Variants in ZDHHC17 observed in about 807,000 individuals in gnomAD.
ZDHHC17 encodes palmitoyltransferase ZDHHC17.
In ZDHHC17, 40 loss-of-function variants were observed where a neutral mutation model predicts 90.3. The observed-to-expected ratio is 0.44, with a 90% CI of 0.34 to 0.58. The LOEUF (loss-of-function observed/expected upper bound fraction) is 0.58. Among genes scored for constraint, ZDHHC17 ranks in the 20% least tolerant of loss-of-function variants. ZDHHC17 has a pLI of 0.01. For synonymous variants in ZDHHC17, 235 were observed against 252.4 expected, an observed-to-expected ratio of 0.93 and a Z score of 0.65; for missense variants, 614 against 780.8, an observed-to-expected ratio of 0.79 and a Z score of 2.55.
intron 1 of ZDHHC17, among the ~76,000 whole-genome samples, chr12:76,796,287 C>G (rs1285604441): frequency 5.3e-5 from 8 of 151,918 alleles, no homozygotes; most frequent in Admixed American, 5.2e-4. Flanking sequence ...ATATGTTTGT[C>G]AAAAATATCA....
chr12:76,844,016 CTG>C (rs978441238), intron 12 of ZDHHC17: 4 of 152,046 alleles, frequency 2.6e-5, no homozygotes, highest in Non-Finnish European at 5.9e-5. Context: ...GTTTTTGTTT[CTG>C]TGCTTTACAA....
intron 7 of ZDHHC17, among the ~76,000 whole-genome samples, chr12:76,819,475 A>T (rs1953133121): frequency 6.6e-6 from 1 of 152,166 alleles, no homozygotes; most frequent in South Asian, 2.1e-4. Flanking sequence ...AATAGCTATA[A>T]AAAGTTATAT....
At chr12:76,766,268 C>A (rs754569866) in intron 1 of ZDHHC17, among the ~76,000 whole-genome samples, 1 of 152,156 alleles carries the variant, frequency 6.6e-6, no homozygotes, top group African/African-American at 2.4e-5. Context: ...CCAAGAAGCA[C>A]AAGGTCTGAT....
chr12:76,777,539 G>A (rs1952572902), intron 1 of ZDHHC17, among the ~76,000 whole-genome samples: 1 of 152,112 alleles, frequency 6.6e-6, no homozygotes, highest in African/African-American at 2.4e-5. Context: ...TGATTCTTCT[G>A]GGAGTGCAAT....
chr12:76,800,588 A>G (rs760592480), intron 2 of ZDHHC17, among the ~76,000 whole-genome samples: 2 of 152,224 alleles, frequency 1.3e-5, no homozygotes, highest in African/African-American at 4.8e-5. Flanking sequence ...TGAACCTTTT[A>G]TTAATATGTA....
At chr12:76,801,162 A>G (rs1246928967) in intron 2 of ZDHHC17, among the ~76,000 whole-genome samples, 2 of 150,664 alleles carry the variant, frequency 1.3e-5, no homozygotes, top group African/African-American at 2.4e-5. Flanking sequence ...CTGGGATTAC[A>G]GGCGAGAGCC....
At position 76,850,935 on chromosome 12, in the gene ZDHHC17, T is replaced by C; in HGVS notation, c.1849T>C (p.Tyr617His). 1 of 1,613,952 alleles carries C rather than the reference T, an allele frequency of 6.2e-7. No homozygotes were observed. Among genetic ancestry groups the C allele is most frequent in the Non-Finnish European group, 8.5e-7 (1 of 1,179,876 alleles). ...RPVIVDWTRQ[Y>H]TIEYDQISGS... ...TGTTATCGTGGACTGGACCAGGCAGTATACAATAGAATATGACCAAATATC... is the reference window on the plus strand; with the variant it reads ...TGTTATCGTGGACTGGACCAGGCAGCATACAATAGAATATGACCAAATATC... The change falls in exon 17 of 17, where the codon TAT becomes CAT. Residue 617 changes from tyrosine to histidine, a missense_variant. This residue lies in a region of ZDHHC17 where 28 missense variants were observed against 20.0 expected (regional missense o/e 1.40). Transcript: ENST00000426126.
At position 76,850,980 on chromosome 12, in the gene ZDHHC17, G is replaced by A. The variant is rs1289347233; in HGVS notation, c.1894G>A (p.Val632Met). 7 of 1,613,742 alleles carry A rather than the reference G, an allele frequency of 4.3e-6. No homozygotes were observed. Among genetic ancestry groups the A allele is most frequent in the Non-Finnish European group, 5.1e-6 (6 of 1,179,854 alleles). ...DQISGSGYQL[V>M] is the part of the protein sequence containing the mutation. ...AATATCAGGATCTGGGTACCAGCTG[G>A]TGTAGCGACATCTTATCCTATGAAG... The change falls in exon 17 of 17, where the codon GTG becomes ATG. Residue 632 changes from valine (V) to methionine (M), a missense_variant. Physicochemically the swap from Val to Met is conservative, Grantham distance 21. This residue lies in a region of ZDHHC17 where 28 missense variants were observed against 20.0 expected (regional missense o/e 1.40). Coordinates refer to ENST00000426126, the MANE Select transcript of ZDHHC17 (RefSeq NM_015336.4).
intron 16 of ZDHHC17, 81 bp downstream of exon 16, chr12:76,849,551 T>C (rs1953538650): frequency 6.2e-6 from 5 of 806,144 alleles, no homozygotes; most frequent in Admixed American, 3.3e-5. Flanking sequence ...CTTAGTGATA[T>C]GTAAAATAGC....
intron 1 of ZDHHC17, among the ~76,000 whole-genome samples, chr12:76,794,329 A>G (rs1466089198): frequency 6.6e-6 from 1 of 152,204 alleles, no homozygotes; most frequent in Non-Finnish European, 1.5e-5. Flanking sequence ...AATATGTTTT[A>G]TAATTAGAAC....
At chr12:76,771,891 A>T (rs1301662556) in intron 1 of ZDHHC17, among the ~76,000 whole-genome samples, 1 of 152,206 alleles carries the variant, frequency 6.6e-6, no homozygotes, top group South Asian at 2.1e-4. Flanking sequence ...TCAGGATGCA[A>T]GGATGCAGTT....
At chr12:76,788,528 T>C (rs1013813614) in intron 1 of ZDHHC17, among the ~76,000 whole-genome samples, 3 of 152,016 alleles carry the variant, frequency 2.0e-5, no homozygotes, top group Middle Eastern at 3.2e-3. Flanking sequence ...ATGGAAGTCT[T>C]TAGATCAGTA....
At chr12:76,850,762 T>A in intron 16 of ZDHHC17, 85 bp from the exon 17 acceptor site, 1 of 1,509,310 alleles carries the variant, frequency 6.6e-7, no homozygotes, top group East Asian at 2.3e-5. Flanking sequence ...GAAAAAAATA[T>A]ATTTAACACG....
chr12:76,792,165 A>G (rs1053981020), intron 1 of ZDHHC17, among the ~76,000 whole-genome samples: 3 of 152,114 alleles, frequency 2.0e-5, no homozygotes, highest in South Asian at 2.1e-4. Flanking sequence ...AGTTTATGCT[A>G]TATAGGCTCC....
intron 8 of ZDHHC17, among the ~76,000 whole-genome samples, chr12:76,825,679 G>T (rs1953221954): frequency 6.6e-6 from 1 of 150,584 alleles, no homozygotes; most frequent in Non-Finnish European, 1.5e-5. Flanking sequence ...TCATTTATAT[G>T]AAAAAAAAAA....
chr12:76,783,037 G>A (rs1952644786), intron 1 of ZDHHC17, among the ~76,000 whole-genome samples: 1 of 152,176 alleles, frequency 6.6e-6, no homozygotes, highest in Non-Finnish European at 1.5e-5. Context: ...GGCAAGGGTT[G>A]ACGTTGAGGC....
Position 76,787,880 on chromosome 12 carries a change from C to T in ZDHHC17, c.94-9554C>T, listed in dbSNP as rs138265652. Among the ~76,000 whole-genome samples the T allele has an allele frequency of 6.9e-4, 105 of 152,206 alleles. 1 individual carries two copies. Among genetic ancestry groups the T allele is most frequent in the African/African-American group, 2.1e-3 (89 of 41,528 alleles). On this transcript the variant is annotated intron_variant, in intron 1 of 16. Coordinates refer to ENST00000426126, the MANE Select transcript of ZDHHC17 (RefSeq NM_015336.4). ...AACAACTCTCAGAATCATATTAGTC[C>T]GGATAAGCTATGTTTTGCTGCAGTA... is the stretch of plus-strand genomic sequence containing the variant.
At chr12:76,795,282 CGTT>C (rs1218817255) in intron 1 of ZDHHC17, among the ~76,000 whole-genome samples, 2 of 151,688 alleles carry the variant, frequency 1.3e-5, no homozygotes, top group African/African-American at 2.4e-5. Flanking sequence ...TCCATTAAAA[CGTT>C]GTTGTTTTTG....
chr12:76,820,848 T>A (rs1368485137), intron 7 of ZDHHC17, among the ~76,000 whole-genome samples: 1 of 152,192 alleles, frequency 6.6e-6, no homozygotes, highest in African/African-American at 2.4e-5. Flanking sequence ...ATTCTTGCTG[T>A]TGTTGCTATT....
Sources: gnomAD v4.1 joint callset for allele counts (sites outside exome capture counted in the v4.1 genomes callset) on GRCh38, gnomAD v4.1.1 for gene constraint, gnomAD v4.1.1 regional missense constraint, MANE v1.5 for transcripts, NCBI Gene and HGNC (gene_info 2026-07-23, HGNC 2026-07-21) for gene names.